Variants in ZZEF1 observed in about 807,000 individuals in gnomAD.
The protein encoded by ZZEF1 is zinc finger ZZ-type and EF-hand domain-containing protein 1.
ZZEF1 carries 157 observed loss-of-function variants against 342.8 expected under a neutral mutation model. The observed-to-expected ratio is 0.46, with a 90% CI of 0.40 to 0.52. The LOEUF (loss-of-function observed/expected upper bound fraction) is 0.52, where lower values mean the gene tolerates loss of function less well. Ranked by LOEUF, ZZEF1 falls within the 20% of genes least tolerant of loss-of-function variation. The pLI is 0.00. For synonymous variants in ZZEF1, 1,505 were observed against 1,429.1 expected, an observed-to-expected ratio of 1.05 and a Z score of -1.20; for missense variants, 3,480 against 3,725.6, an observed-to-expected ratio of 0.93 and a Z score of 1.72.
At chr17:4,066,093 G>A (rs1014874956) in intron 28 of ZZEF1, among the ~76,000 whole-genome samples, 1 of 152,168 alleles carries the variant, frequency 6.6e-6, no homozygotes, top group Non-Finnish European at 1.5e-5. Context: ...CTTGAGCCCA[G>A]GAGTGGGAGG....
At chr17:4,137,625 A>C (rs903015210) in intron 1 of ZZEF1, among the ~76,000 whole-genome samples, 10 of 152,054 alleles carry the variant, frequency 6.6e-5, no homozygotes, top group South Asian at 2.1e-4. Flanking sequence ...TAATAATAAT[A>C]ATCTCCACTC....
chr17:4,047,332 T>G (rs2056939599), intron 37 of ZZEF1, among the ~76,000 whole-genome samples: 1 of 152,170 alleles, frequency 6.6e-6, no homozygotes, highest in Admixed American at 6.5e-5. Context: ...TGCCCAAACA[T>G]GGGACAATTT....
intron 35 of ZZEF1, 86 bp downstream of exon 35, chr17:4,051,885 C>G: frequency 7.0e-7 from 1 of 1,429,066 alleles, no homozygotes; most frequent in South Asian, 1.5e-5. Flanking sequence ...ATAAAAAAAA[C>G]TTTTTTAAAA....
At chr17:4,087,661 C>A in intron 13 of ZZEF1, 127 bp from the exon 14 acceptor site, 1 of 772,510 alleles carries the variant, frequency 1.3e-6, no homozygotes, top group Non-Finnish European at 2.0e-6. Flanking sequence ...TTTCATATTA[C>A]TGATGCTTAC....
chr17:4,118,810 G>T (rs938637689), intron 2 of ZZEF1, among the ~76,000 whole-genome samples: 1 of 152,192 alleles, frequency 6.6e-6, no homozygotes, highest in Non-Finnish European at 1.5e-5. Flanking sequence ...CACTGAGGTA[G>T]AAGGTACCTG....
At chr17:4,141,508 G>A (rs2058847523) in intron 1 of ZZEF1, among the ~76,000 whole-genome samples, 1 of 152,130 alleles carries the variant, frequency 6.6e-6, no homozygotes, top group Non-Finnish European at 1.5e-5. Context: ...ATCCCAGGAA[G>A]GAGGTAGTGA....
At chr17:4,018,258 AAC>A (rs1300254945) in intron 46 of ZZEF1, among the ~76,000 whole-genome samples, 2 of 152,164 alleles carry the variant, frequency 1.3e-5, no homozygotes, top group African/African-American at 2.4e-5. Flanking sequence ...TCATTAAAAA[AAC>A]ATTTTTAAAA....
Position 4,014,373 on chromosome 17 carries a change from T to C in ZZEF1, c.8288A>G (p.Gln2763Arg). The C allele has an allele frequency of 5.0e-6, 8 of 1,614,250 alleles. No homozygotes were observed. The highest frequency in any genetic ancestry group is 6.8e-6 in the Non-Finnish European group (8 of 1,180,048). Residue 2763 changes from glutamine to arginine, a missense_variant, in exon 50 of 55, where the codon CAG (glutamine) becomes CGG (arginine). Transcript: ENST00000381638. The surrounding 1 kb of genome is among the most constrained non-coding windows in gnomAD (Gnocchi z 4.4). ...QDRHSFSGSQ[Q>R]KWKDFELPGD... ...TGGAAGTTCAAAATCTTTCCACTTC[T>C]GCTGAGACCCGCTGAAGCTGTGTCG...
At position 4,088,684 on chromosome 17, in the gene ZZEF1, ATGGGCGAGCTGC is replaced by A. The variant is rs1416452403; in HGVS notation, c.2223_2234del (p.Gln741_Ala744del). The A allele has an allele frequency of 6.2e-7, 1 of 1,613,730 alleles. No homozygotes were observed. ...ACAACTGAGGAAGCCCTACCAGGTC[ATGGGCGAGCTGC>A]TGGATAAACTGAAGGGTCCTGAGGA... On this transcript the variant is annotated inframe_deletion, in exon 13 of 55. Transcript: ENST00000381638.
At position 4,086,501 on chromosome 17, in the gene ZZEF1, T is replaced by C. The variant is rs1442785465; in HGVS notation, c.2497A>G (p.Thr833Ala). ...AAATCCCTACCATCACACAAGTGTG[T>C]GTACAGCTCCTTGGCAGCCTCTACT... ...KGVEAAKELY[T>A]HLCDVVDKVD... Residue 833 changes from threonine to alanine, a missense_variant, in exon 15 of 55, where the codon ACA becomes GCA. Around this residue, in one of 5 missense-constraint regions of ZZEF1, gnomAD observed 1,528 missense variants for 1,624.1 expected, o/e 0.94. Coordinates refer to ENST00000381638, the MANE Select transcript of ZZEF1 (RefSeq NM_015113.4). 17 of 1,614,082 alleles carry C rather than the reference T, an allele frequency of 1.1e-5. No homozygotes were observed. The highest frequency in any genetic ancestry group is 1.4e-5 in the Non-Finnish European group (17 of 1,180,046).
chr17:4,096,067 T>A, intron 10 of ZZEF1, 88 bp from the exon 11 acceptor site: 1 of 1,404,524 alleles, frequency 7.1e-7, no homozygotes, highest in Non-Finnish European at 9.5e-7. Context: ...TCAAACAGGT[T>A]AAAACAAAAC....
intron 1 of ZZEF1, among the ~76,000 whole-genome samples, chr17:4,136,457 T>A (rs746112782): frequency 2.0e-5 from 3 of 152,014 alleles, no homozygotes; most frequent in Non-Finnish European, 2.9e-5. Context: ...GCAGGTGAGC[T>A]GGTTTTATGG....
At chr17:4,039,887 G>T (rs911741990) in intron 39 of ZZEF1, among the ~76,000 whole-genome samples, 1 of 151,876 alleles carries the variant, frequency 6.6e-6, no homozygotes, top group Non-Finnish European at 1.5e-5. Context: ...CTCATGATCT[G>T]CCCGCCTTGG....
At chr17:4,105,397 G>A (rs1288022287) in intron 7 of ZZEF1, among the ~76,000 whole-genome samples, 4 of 152,286 alleles carry the variant, frequency 2.6e-5, no homozygotes, top group Admixed American at 2.0e-4. Flanking sequence ...GGTTCTGAGT[G>A]AGGGAAGGCT....
At position 4,092,088 on chromosome 17, in the gene ZZEF1, A is replaced by AAAAAAT. The variant is rs1555604408; in HGVS notation, c.1914-1259_1914-1258insATTTTT. 3.4e-5 allele frequency among the ~76,000 whole-genome samples: 5 copies of AAAAAAT among 144,950 alleles called. No homozygotes were observed. The East Asian group carries it at 8.0e-4, about 23-fold the overall frequency. ...CGAAACTCCACCTCAAAAAAAAAAA[A>AAAAAAT]AATAATAAAAATAATATAAATAAAT... On this transcript the variant is annotated intron_variant, in intron 11 of 54. Coordinates refer to ENST00000381638, the MANE Select transcript of ZZEF1 (RefSeq NM_015113.4).
chr17:4,124,956 C>T (rs895495412), intron 1 of ZZEF1, among the ~76,000 whole-genome samples: 1 of 152,184 alleles, frequency 6.6e-6, no homozygotes, highest in African/African-American at 2.4e-5. Flanking sequence ...GTTTCTTTAC[C>T]TCCATAAGCC....
intron 54 of ZZEF1, among the ~76,000 whole-genome samples, chr17:4,007,527 G>A (rs2144907565): frequency 1.3e-5 from 2 of 152,286 alleles, no homozygotes; most frequent in Middle Eastern, 3.4e-3. Context: ...TCAGAAGAGG[G>A]TAAGGAGGAA....
intron 42 of ZZEF1, among the ~76,000 whole-genome samples, chr17:4,025,953 C>CCA (rs1433885129): frequency 6.6e-6 from 1 of 152,102 alleles, no homozygotes; most frequent in Non-Finnish European, 1.5e-5. Context: ...ATCCAGCAGT[C>CCA]TCAATGAATT....
intron 18 of ZZEF1, among the ~76,000 whole-genome samples, chr17:4,079,933 C>A (rs1234776988): frequency 6.6e-6 from 1 of 152,234 alleles, no homozygotes; most frequent in African/African-American, 2.4e-5. Context: ...AAGTCCACAT[C>A]ATTAGATACC....
Sources: gnomAD v4.1 joint callset for allele counts (sites outside exome capture counted in the v4.1 genomes callset) on GRCh38, gnomAD v4.1.1 for gene constraint, gnomAD v4.1.1 regional missense constraint, Gnocchi (gnomAD v3.1) non-coding constraint, MANE v1.5 for transcripts, NCBI Gene and HGNC (gene_info 2026-07-23, HGNC 2026-07-21) for gene names.